Variants in ERC2 observed in about 807,000 individuals in gnomAD.
ERC2 encodes the protein ELKS/RAB6-interacting/CAST family member 2, also known as ERC protein 2.
Under a neutral mutation model 114.8 loss-of-function variants are expected in ERC2, and 42 were observed. That is an observed-to-expected ratio of 0.37 (90% CI 0.29 to 0.47). ERC2 has a LOEUF of 0.47. Among genes scored for constraint, ERC2 ranks in the 20% least tolerant of loss-of-function variants. The pLI, the probability that ERC2 is intolerant of heterozygous loss-of-function variation, is 0.99. For missense variants in ERC2, 939 were observed against 1,150.7 expected (o/e 0.82, Z 2.66); for synonymous variants, 454 against 425.5 (o/e 1.07, Z -0.82).
chr3:56,392,042 T>G (rs528939568), intron 2 of ERC2, among the ~76,000 whole-genome samples: 9 of 152,288 alleles, frequency 5.9e-5, no homozygotes, highest in African/African-American at 1.7e-4. Context: ...GTAAACATAT[T>G]AGAATCCTGT....
intron 14 of ERC2, among the ~76,000 whole-genome samples, chr3:55,815,448 C>T (rs554109708): frequency 4.3e-4 from 66 of 152,258 alleles, no homozygotes; most frequent in African/African-American, 1.5e-3. Context: ...CGATGTGAAG[C>T]ATAAGAATGC....
At chr3:55,620,989 T>A (rs1018764913) in intron 17 of ERC2, among the ~76,000 whole-genome samples, 2 of 152,158 alleles carry the variant, frequency 1.3e-5, no homozygotes, top group Non-Finnish European at 2.9e-5. Flanking sequence ...CTGACAGTGG[T>A]TTATGACCCT....
chr3:55,831,531 G>C (rs958474936), intron 14 of ERC2, among the ~76,000 whole-genome samples: 79 of 151,962 alleles, frequency 5.2e-4, no homozygotes, highest in African/African-American at 1.9e-3. Context: ...AAGGAGGCAG[G>C]GGAAAACACA....
intron 2 of ERC2, among the ~76,000 whole-genome samples, chr3:56,299,112 T>G (rs1336148795): frequency 7.3e-6 from 1 of 136,172 alleles, no homozygotes; most frequent in African/African-American, 2.9e-5. Context: ...TTTTGTTTTT[T>G]TTTTTTGTTT....
At position 56,401,881 on chromosome 3, in the gene ERC2, A is replaced by G. The variant is rs144892312; in HGVS notation, c.657+32470T>C. Among the ~76,000 whole-genome samples, 29 of 152,336 alleles carry G rather than the reference A, an allele frequency of 1.9e-4. No individual in the cohort carries two copies. The East Asian group carries it at 4.4e-3, about 23-fold the overall frequency. ...ATACATACATACCCGAGACTGGGTA[A>G]TTTATAAAGGAAAGAGGTTTAATTG... is the stretch of plus-strand genomic sequence containing the variant. On this transcript the variant is annotated intron_variant, in intron 2 of 17. Coordinates refer to ENST00000288221, the MANE Select transcript of ERC2 (RefSeq NM_015576.3).
At chr3:56,311,399 A>AC (rs11459314) in intron 2 of ERC2, among the ~76,000 whole-genome samples, 50,999 of 148,948 alleles carry the variant, frequency 0.34, 8,938 homozygotes, top group African/African-American at 0.37. Flanking sequence ...TCCCAGGTTC[A>AC]GCCATTCTCC....
intron 2 of ERC2, among the ~76,000 whole-genome samples, chr3:56,302,253 G>T (rs1006369175): frequency 6.6e-6 from 1 of 152,090 alleles, no homozygotes; most frequent in Non-Finnish European, 1.5e-5. Flanking sequence ...AGACCAAAAG[G>T]GGGTAACTGT....
At chr3:55,553,874 G>T (rs2055411046) in intron 17 of ERC2, among the ~76,000 whole-genome samples, 1 of 152,130 alleles carries the variant, frequency 6.6e-6, no homozygotes, top group Admixed American at 6.6e-5. Context: ...AAGCCAATTG[G>T]AAACAATGAC....
intron 3 of ERC2, among the ~76,000 whole-genome samples, chr3:56,264,373 G>T (rs2053149630): frequency 6.6e-6 from 1 of 152,150 alleles, no homozygotes; most frequent in South Asian, 2.1e-4. Context: ...GAGGCAGGCA[G>T]ATCACTTGAA....
chr3:55,947,624 T>C (rs942434333), intron 13 of ERC2, among the ~76,000 whole-genome samples: 3 of 152,220 alleles, frequency 2.0e-5, no homozygotes, highest in Non-Finnish European at 2.9e-5. Context: ...GGCCTCAGAA[T>C]GAACACGTGT....
At chr3:56,033,022 A>AAAG (rs1560058047) in intron 7 of ERC2, among the ~76,000 whole-genome samples, 2 of 75,668 alleles carry the variant, frequency 2.6e-5, no homozygotes, top group African/African-American at 8.2e-5. Flanking sequence ...AAAGAAAGAA[A>AAAG]AAAGAAACAG....
intron 7 of ERC2, among the ~76,000 whole-genome samples, chr3:56,030,385 T>C (rs2074304890): frequency 6.6e-6 from 1 of 152,198 alleles, no homozygotes; most frequent in South Asian, 2.1e-4. Flanking sequence ...ATTTAATTTC[T>C]TTATTTAGTT....
rs766814202 is a variant in ERC2 at position 55,950,454 on chromosome 3, T to C, written c.2374A>G (p.Ser792Gly). ...AAATGCTGTGAGTTGTCAGCCATGC[T>C]GTCTTCTCGCCTGCGCACTTCTTCT... ...LLEEVRRRED[S>G]MADNSQHLQI... The change falls in exon 13 of 18, where the codon AGC becomes GGC. Residue 792 changes from serine to glycine, a missense_variant. Coordinates refer to ENST00000288221, the MANE Select transcript of ERC2 (RefSeq NM_015576.3). 4.1e-5 allele frequency: 66 copies of C among 1,613,944 alleles called. No homozygotes were observed. The highest frequency in any genetic ancestry group is 5.6e-5 in the Non-Finnish European group (66 of 1,179,906).
intron 2 of ERC2, among the ~76,000 whole-genome samples, chr3:56,401,971 ATG>A (rs2060537615): frequency 6.6e-6 from 1 of 152,232 alleles, no homozygotes; most frequent in Admixed American, 6.5e-5. Flanking sequence ...GAAGCAAGAC[ATG>A]TCTTACATGG....
chr3:55,823,804 C>T (rs1464619635), intron 14 of ERC2, among the ~76,000 whole-genome samples: 2 of 152,154 alleles, frequency 1.3e-5, no homozygotes, highest in African/African-American at 4.8e-5. Flanking sequence ...AAATGACGTG[C>T]CCCACTTCCA....
chr3:55,837,426 A>C (rs1320083666), intron 14 of ERC2, among the ~76,000 whole-genome samples: 1 of 152,150 alleles, frequency 6.6e-6, no homozygotes, highest in East Asian at 1.9e-4. Flanking sequence ...ATGCAGCCAT[A>C]AAAAATGATG....
At chr3:55,599,006 G>A (rs2058278362) in intron 17 of ERC2, among the ~76,000 whole-genome samples, 1 of 152,202 alleles carries the variant, frequency 6.6e-6, no homozygotes, top group Admixed American at 6.5e-5. Flanking sequence ...TTGAAGAAGG[G>A]CACAAGTAGG....
At chr3:55,625,690 GC>G (rs2059494953) in intron 17 of ERC2, among the ~76,000 whole-genome samples, 2 of 152,218 alleles carry the variant, frequency 1.3e-5, no homozygotes, top group South Asian at 4.2e-4. Flanking sequence ...GGCGGAGTTT[GC>G]AGTGAGCCGA....
Position 56,395,774 on chromosome 3 carries a change from T to C in ERC2, c.657+38577A>G, listed in dbSNP as rs537184579. 2.6e-5 allele frequency among the ~76,000 whole-genome samples: 4 copies of C among 152,354 alleles called. No homozygotes were observed. In the South Asian group the frequency reaches 8.3e-4, roughly 32 times the overall value. ...TTACCCAGTCTCAGGTATTTCTTTA[T>C]AGCAATGCAAGAACGGCCTCAGACA... On this transcript the variant is annotated intron_variant, in intron 2 of 17. Coordinates refer to ENST00000288221, the MANE Select transcript of ERC2 (RefSeq NM_015576.3).
Sources: gnomAD v4.1 joint callset for allele counts (sites outside exome capture counted in the v4.1 genomes callset) on GRCh38, gnomAD v4.1.1 for gene constraint, MANE v1.5 for transcripts, NCBI Gene and HGNC (gene_info 2026-07-23, HGNC 2026-07-21) for gene names.